Variants in UTRN observed in about 807,000 individuals in gnomAD.
UTRN encodes the protein utrophin.
In UTRN, 283 loss-of-function variants were observed where a neutral mutation model predicts 463.9. The ratio of observed to expected loss-of-function variants is 0.61; its 90% CI spans 0.55 to 0.67. The LOEUF (loss-of-function observed/expected upper bound fraction) is 0.67, where lower values mean the gene tolerates loss of function less well. Ranked by LOEUF, UTRN falls within the 30% of genes least tolerant of loss-of-function variation. UTRN has a pLI of 0.00. For missense variants in UTRN, 3,922 were observed against 4,084.3 expected, an observed-to-expected ratio of 0.96 and a Z score of 1.08; for synonymous variants, 1,442 against 1,431.5, an observed-to-expected ratio of 1.01 and a Z score of -0.17.
chr6:144,827,736 A>G lies in UTRN; in HGVS notation c.9599+60A>G, dbSNP rs1780314940. The G allele has an allele frequency of 2.6e-6, 4 of 1,533,158 alleles. No homozygotes were observed. The African/African-American group carries it at 5.5e-5, about 21-fold the overall frequency. The allele number at this position is 1,533,158 out of a possible 1,614,324, so 95.0% of individuals were successfully genotyped here. On this transcript the variant is annotated intron_variant, in intron 68 of 74. Transcript: ENST00000367545. Reference sequence around the variant, plus strand: ...GCCACCCAGAATGTATCTATGTCTAATTAATCTAATATCATTAATATACCT... The same window carrying G: ...GCCACCCAGAATGTATCTATGTCTAGTTAATCTAATATCATTAATATACCT...
intron 3 of UTRN, among the ~76,000 whole-genome samples, chr6:144,406,356 CTTTTTTTTT>C (rs57721924): frequency 0.6 from 75,474 of 125,884 alleles, 23,639 homozygotes; most frequent in South Asian, 0.75. Context: ...TTTTTCTTTT[CTTTTTTTTT>C]TTTTTTTTTT....
intron 54 of UTRN, among the ~76,000 whole-genome samples, chr6:144,736,697 C>G (rs1030332060): frequency 1.3e-5 from 2 of 152,188 alleles, no homozygotes; most frequent in African/African-American, 2.4e-5. Context: ...GCCCGTAGTG[C>G]ATGCCATGGG....
intron 60 of UTRN, among the ~76,000 whole-genome samples, chr6:144,779,476 T>C (rs1420859093): frequency 6.6e-6 from 1 of 152,154 alleles, no homozygotes; most frequent in Non-Finnish European, 1.5e-5. Context: ...AAAGAAAATT[T>C]TAAGAAAATA....
At chr6:144,844,270 C>CT (rs543418042) in intron 73 of UTRN, among the ~76,000 whole-genome samples, 315 of 143,566 alleles carry the variant, frequency 2.2e-3, no homozygotes, top group South Asian at 4.9e-3. Flanking sequence ...CTTTCTCTCT[C>CT]TTTTTTTTTT....
intron 59 of UTRN, among the ~76,000 whole-genome samples, 181 bp downstream of exon 59, chr6:144,772,149 T>G (rs969014138): frequency 6.7e-6 from 1 of 149,684 alleles, no homozygotes; most frequent in Admixed American, 6.7e-5. Context: ...TTCTCCTGCC[T>G]TAGGCTCCTG....
At chr6:144,640,198 CT>C (rs942284303) in intron 51 of UTRN, among the ~76,000 whole-genome samples, 1 of 152,124 alleles carries the variant, frequency 6.6e-6, no homozygotes, top group East Asian at 1.9e-4. Context: ...CATCTCCCCC[CT>C]CCACCTTAAT....
intron 52 of UTRN, among the ~76,000 whole-genome samples, chr6:144,694,121 G>A (rs2128694053): frequency 6.6e-6 from 1 of 152,088 alleles, no homozygotes; most frequent in South Asian, 2.1e-4. Context: ...TTTGTTGAAA[G>A]CCTTTTCTGC....
chr6:144,727,272 T>C (rs971118067), intron 53 of UTRN, among the ~76,000 whole-genome samples: 1 of 152,368 alleles, frequency 6.6e-6, no homozygotes, highest in African/African-American at 2.4e-5. Flanking sequence ...TGGTGTTTTC[T>C]GGTTGATCTT....
chr6:144,764,707 A>G (rs1166173439), intron 58 of UTRN, among the ~76,000 whole-genome samples: 1 of 152,238 alleles, frequency 6.6e-6, no homozygotes. Context: ...AAATAGAAAT[A>G]TGCTGATTAT....
At chr6:144,619,130 T>G (rs1775082826) in intron 51 of UTRN, among the ~76,000 whole-genome samples, 1 of 152,138 alleles carries the variant, frequency 6.6e-6, no homozygotes, top group Non-Finnish European at 1.5e-5. Context: ...TCCCTCGAGG[T>G]CTTAGTAGCA....
chr6:144,480,112 T>A, intron 26 of UTRN, 130 bp downstream of exon 26: 1 of 1,111,484 alleles, frequency 9.0e-7, no homozygotes. Context: ...GTTTTTGAAT[T>A]AAAAAAACAT....
intron 61 of UTRN, among the ~76,000 whole-genome samples, chr6:144,786,542 C>G (rs1776309664): frequency 6.6e-6 from 1 of 152,082 alleles, no homozygotes; most frequent in Non-Finnish European, 1.5e-5. Context: ...CCTCAGCCTC[C>G]CAAAGTGCTG....
chr6:144,737,134 T>TA lies in UTRN; in HGVS notation c.7939+6655dup, dbSNP rs549179307. ...CATTGATGGAGAGTCTGAAAGAGTG[T>TA]AAAAAAATGATCTGAGCAGCCAGGA... is the stretch of plus-strand genomic sequence containing the variant. On this transcript the variant is annotated intron_variant, in intron 54 of 74. Transcript: ENST00000367545. 1.3e-3 allele frequency among the ~76,000 whole-genome samples: 199 copies of TA among 152,142 alleles called. 7 individuals carry two copies. The South Asian group carries it at 0.04, about 31-fold the overall frequency.
chr6:144,369,794 C>G (rs1217871475), intron 2 of UTRN, among the ~76,000 whole-genome samples: 1 of 152,128 alleles, frequency 6.6e-6, no homozygotes, highest in Non-Finnish European at 1.5e-5. Flanking sequence ...TTTTCCCGTG[C>G]TATTCTTGTG....
At chr6:144,557,065 G>T in intron 49 of UTRN, 92 bp from the exon 50 acceptor site, 1 of 1,465,216 alleles carries the variant, frequency 6.8e-7, no homozygotes, top group Non-Finnish European at 9.2e-7. Context: ...TGTATCTAAA[G>T]CATGTCAAAA....
intron 69 of UTRN, among the ~76,000 whole-genome samples, chr6:144,831,091 T>G (rs891603597): frequency 2.0e-4 from 31 of 152,174 alleles, no homozygotes; most frequent in African/African-American, 7.2e-4. Context: ...ATGAATCTTA[T>G]AGGCTAGAAA....
At chr6:144,758,213 G>A (rs887373873) in intron 58 of UTRN, 1 of 333,474 alleles carries the variant, frequency 3.0e-6, no homozygotes, top group African/African-American at 2.1e-5. Context: ...ATATTTTAAA[G>A]TAGAGATTTA....
intron 51 of UTRN, among the ~76,000 whole-genome samples, chr6:144,585,483 G>A (rs1435355795): frequency 1.3e-5 from 2 of 151,986 alleles, no homozygotes; most frequent in South Asian, 2.1e-4. Context: ...ATTAGGAAGC[G>A]GCACAATTAC....
chr6:144,650,711 C>T (rs1778727248), intron 51 of UTRN, among the ~76,000 whole-genome samples: 1 of 152,104 alleles, frequency 6.6e-6, no homozygotes, highest in Non-Finnish European at 1.5e-5. Flanking sequence ...GAGTTTGAGA[C>T]CAGCCTGACC....
Sources: allele counts gnomAD v4.1 joint callset (sites outside exome capture counted in the v4.1 genomes callset), GRCh38; gene constraint gnomAD v4.1.1; transcripts MANE v1.5; gene names NCBI Gene and HGNC (gene_info 2026-07-23, HGNC 2026-07-21).